CCDC148: variants seen among roughly 807,000 people sequenced by gnomAD.
The protein encoded by CCDC148 is coiled-coil domain containing 148, also known as coiled-coil domain-containing protein 148.
CCDC148 carries 89 observed loss-of-function variants against 85.7 expected under a neutral mutation model. The observed-to-expected ratio is 1.04, with a 90% CI of 0.87 to 1.24. CCDC148 has a LOEUF of 1.24. Among genes scored for constraint, CCDC148 ranks in the 50% most tolerant of loss-of-function variants. The probability of loss-of-function intolerance (pLI) is 0.00; values close to 1 mark genes in which losing one functional copy is unlikely to be tolerated. For missense variants in CCDC148, 692 were observed against 671.7 expected, an observed-to-expected ratio of 1.03 and a Z score of -0.33; for synonymous variants, 230 against 213.9, an observed-to-expected ratio of 1.08 and a Z score of -0.66.
chr2:158,193,268 ACCGCC>A (rs1685503529), intron 11 of CCDC148, among the ~76,000 whole-genome samples: 1 of 152,118 alleles, frequency 6.6e-6, no homozygotes, highest in Non-Finnish European at 1.5e-5. Flanking sequence ...TCTTGTTTGC[ACCGCC>A]CCAATTCTAT....
chr2:158,217,362 TTG>T (rs1165912265), intron 11 of CCDC148, among the ~76,000 whole-genome samples: 3,171 of 98,972 alleles, frequency 0.032, 51 homozygotes, highest in East Asian at 0.084. Context: ...ATATAAAATT[TTG>T]TGTGTGTGTG....
intron 9 of CCDC148, among the ~76,000 whole-genome samples, chr2:158,254,721 GT>G (rs1379572343): frequency 2.0e-5 from 3 of 151,486 alleles, no homozygotes; most frequent in African/African-American, 7.3e-5. Context: ...ATAAGTTAGG[GT>G]TTTAGAACTA....
At position 158,231,241 on chromosome 2, in the gene CCDC148, T is replaced by G. The variant is rs1407112797; in HGVS notation, c.1252-10528A>C. ...ATGCACTCTCATGCTTATTTGCTTT[T>G]CTGCACAGCTTTCTCTACTAGAATG... On this transcript the variant is annotated intron_variant, in intron 10 of 13. Coordinates refer to ENST00000283233, the MANE Select transcript of CCDC148 (RefSeq NM_138803.4). Among the ~76,000 whole-genome samples the G allele has an allele frequency of 2.0e-5, 3 of 152,194 alleles. No individual in the cohort carries two copies. In the East Asian group the frequency reaches 5.8e-4, roughly 29 times the overall value.
intron 10 of CCDC148, among the ~76,000 whole-genome samples, chr2:158,234,805 T>G (rs973614617): frequency 6.6e-6 from 1 of 152,214 alleles, no homozygotes; most frequent in African/African-American, 2.4e-5. Context: ...TCTAGTTAAA[T>G]TAAAGTTCTT....
At chr2:158,336,995 G>C (rs2105238850) in intron 7 of CCDC148, among the ~76,000 whole-genome samples, 1 of 152,182 alleles carries the variant, frequency 6.6e-6, no homozygotes, top group Non-Finnish European at 1.5e-5. Context: ...GTTAGCATGT[G>C]ATATATATTC....
chr2:158,221,618 T>C (rs1687188135), intron 10 of CCDC148, among the ~76,000 whole-genome samples: 1 of 152,180 alleles, frequency 6.6e-6, no homozygotes, highest in East Asian at 1.9e-4. Flanking sequence ...CATTTTCTTT[T>C]CTGAGACAGA....
chr2:158,313,896 T>C lies in CCDC148; in HGVS notation c.765-2A>G. 4.3e-6 allele frequency: 7 copies of C among 1,609,692 alleles called. No homozygotes were observed. Among genetic ancestry groups the C allele is most frequent in the Non-Finnish European group, 5.9e-6 (7 of 1,177,988 alleles). The stretch of plus-strand genomic sequence containing the variant: ...TCTTCTTCACTTAGTTGACAGTTTC[T>C]AGAAGCAACAAAAATGTCACAACAT... On this transcript the variant is annotated splice_acceptor_variant, in intron 7 of 13. Transcript: ENST00000283233. LOFTEE classifies it high-confidence loss of function.
At chr2:158,452,732 C>T (rs1688455456) in intron 1 of CCDC148, among the ~76,000 whole-genome samples, 1 of 152,328 alleles carries the variant, frequency 6.6e-6, no homozygotes, top group East Asian at 1.9e-4. Flanking sequence ...GGGCTGATGC[C>T]TTGCCAGGTG....
At chr2:158,177,026 T>A in intron 12 of CCDC148, among the ~76,000 whole-genome samples, 1 of 151,982 alleles carries the variant, frequency 6.6e-6, no homozygotes, top group East Asian at 1.9e-4. Context: ...TAAAAAAAAA[T>A]TCACTTTTTG....
chr2:158,444,708 G>A (rs562583693), intron 1 of CCDC148, among the ~76,000 whole-genome samples: 1 of 151,038 alleles, frequency 6.6e-6, no homozygotes, highest in East Asian at 2.0e-4. Flanking sequence ...ACTTGAGCTG[G>A]GGAGAGGTTT....
chr2:158,383,701 C>T (rs1037407050), intron 1 of CCDC148, among the ~76,000 whole-genome samples: 5 of 152,078 alleles, frequency 3.3e-5, no homozygotes, highest in Admixed American at 2.0e-4. Flanking sequence ...AACTGTTGCC[C>T]TGATTTCCCA....
chr2:158,217,370 GTGTGTATA>G (rs1686930594), intron 11 of CCDC148, among the ~76,000 whole-genome samples: 1 of 75,504 alleles, frequency 1.3e-5, no homozygotes, highest in African/African-American at 3.9e-5. Context: ...TTTTGTGTGT[GTGTGTATA>G]TATATATATA....
intron 9 of CCDC148, among the ~76,000 whole-genome samples, chr2:158,290,008 C>T (rs1245249068): frequency 6.6e-6 from 1 of 152,114 alleles, no homozygotes; most frequent in Non-Finnish European, 1.5e-5. Flanking sequence ...ATGACTGACA[C>T]ACAAGTTTGT....
At chr2:158,183,332 A>G (rs1193510610) in intron 11 of CCDC148, among the ~76,000 whole-genome samples, 3 of 152,180 alleles carry the variant, frequency 2.0e-5, no homozygotes, top group African/African-American at 7.2e-5. Flanking sequence ...ACAGCACTCT[A>G]AGAAATGAGT....
intron 9 of CCDC148, among the ~76,000 whole-genome samples, chr2:158,288,024 T>C (rs1322884899): frequency 6.6e-6 from 1 of 152,216 alleles, no homozygotes; most frequent in Non-Finnish European, 1.5e-5. Flanking sequence ...AAACATTACA[T>C]AGAGGCTGCC....
intron 9 of CCDC148, among the ~76,000 whole-genome samples, chr2:158,254,978 T>C (rs1015042058): frequency 8.2e-5 from 9 of 110,370 alleles, no homozygotes; most frequent in African/African-American, 3.2e-4. Flanking sequence ...ATGATGCTTC[T>C]TTTCTCCAAA....
chr2:158,435,547 T>C (rs536501306), intron 1 of CCDC148, among the ~76,000 whole-genome samples: 1 of 152,084 alleles, frequency 6.6e-6, no homozygotes, highest in Non-Finnish European at 1.5e-5. Flanking sequence ...AGACCATCAA[T>C]GCTAGGAAGA....
Position 158,231,611 on chromosome 2 carries a change from A to G in CCDC148, c.1252-10898T>C, listed in dbSNP as rs543633050. Among the ~76,000 whole-genome samples the G allele has an allele frequency of 2.0e-5, 3 of 152,272 alleles. 1 individual carries two copies. The highest frequency in any genetic ancestry group is 4.4e-5 in the Non-Finnish European group (3 of 68,022). On this transcript the variant is annotated intron_variant, in intron 10 of 13. Coordinates refer to ENST00000283233, the MANE Select transcript of CCDC148 (RefSeq NM_138803.4). ...TTCTCCCTCTCCCTCTCCTCCAGAT[A>G]CAGCTAGGTGTACCTTCTAAGGCAT...
chr2:158,218,253 G>A (rs1686993811), intron 11 of CCDC148, among the ~76,000 whole-genome samples: 1 of 152,140 alleles, frequency 6.6e-6, no homozygotes, highest in South Asian at 2.1e-4. Flanking sequence ...GTCCTCAGAA[G>A]TTATCCAGTT....
Sources: gnomAD v4.1 joint callset for allele counts (sites outside exome capture counted in the v4.1 genomes callset) on GRCh38, gnomAD v4.1.1 for gene constraint, MANE v1.5 for transcripts, NCBI Gene and HGNC (gene_info 2026-07-23, HGNC 2026-07-21) for gene names.